PCMTD1: variants seen among roughly 807,000 people sequenced by gnomAD.
PCMTD1 encodes the protein protein-L-isoaspartate O-methyltransferase domain-containing protein 1.
PCMTD1 carries 12 observed loss-of-function variants against 37.6 expected under a neutral mutation model. That is an observed-to-expected ratio of 0.32 (90% confidence interval 0.20 to 0.52). The LOEUF is 0.52. Ranked by LOEUF, PCMTD1 falls within the 20% of genes least tolerant of loss-of-function variation. PCMTD1 has a pLI of 0.97. For synonymous variants in PCMTD1, 117 were observed against 135.8 expected, an observed-to-expected ratio of 0.86 and a Z score of 0.96; for missense variants, 235 against 421.3, an observed-to-expected ratio of 0.56 and a Z score of 3.87.
intron 5 of PCMTD1, among the ~76,000 whole-genome samples, chr8:51,823,252 C>A (rs545018656): frequency 1.6e-4 from 24 of 152,134 alleles, no homozygotes; most frequent in Non-Finnish European, 3.5e-4. Context: ...TCACTTGAGC[C>A]CATGATCTTG....
intron 3 of PCMTD1, among the ~76,000 whole-genome samples, chr8:51,844,533 G>A (rs10504130): frequency 0.12 from 17,881 of 152,082 alleles, 1,292 homozygotes; most frequent in East Asian, 0.17. Flanking sequence ...TCAGGTTTCT[G>A]TTCTTCAACC....
At chr8:51,857,985 C>T (rs770149246) in intron 2 of PCMTD1, among the ~76,000 whole-genome samples, 8 of 150,476 alleles carry the variant, frequency 5.3e-5, no homozygotes, top group Non-Finnish European at 7.4e-5. Context: ...GAGTGAGACC[C>T]TACCTAAAAA....
chr8:51,832,193 T>C (rs762949195), intron 4 of PCMTD1, among the ~76,000 whole-genome samples: 11 of 152,200 alleles, frequency 7.2e-5, no homozygotes, highest in African/African-American at 1.7e-4. Context: ...GTTTGTAAAA[T>C]AGTATAGAGT....
intron 5 of PCMTD1, 61 bp from the exon 6 acceptor site, chr8:51,820,779 T>C (rs2037836583): frequency 2.6e-6 from 3 of 1,143,586 alleles, no homozygotes; most frequent in Non-Finnish European, 3.4e-6. Flanking sequence ...ATCTATTGTT[T>C]ATTTTTTTCA....
At chr8:51,851,870 G>A (rs1436681951) in intron 2 of PCMTD1, among the ~76,000 whole-genome samples, 1 of 151,890 alleles carries the variant, frequency 6.6e-6, no homozygotes, top group Non-Finnish European at 1.5e-5. Context: ...GGCTGGTCTC[G>A]AACTCCTGAC....
At chr8:51,867,025 A>G (rs1400187428) in intron 1 of PCMTD1, among the ~76,000 whole-genome samples, 1 of 152,060 alleles carries the variant, frequency 6.6e-6, no homozygotes, top group Admixed American at 6.6e-5. Flanking sequence ...GAAAACAAAT[A>G]TGCCAATCAA....
intron 5 of PCMTD1, among the ~76,000 whole-genome samples, chr8:51,823,780 G>A (rs953789863): frequency 2.6e-5 from 4 of 152,054 alleles, no homozygotes; most frequent in African/African-American, 4.8e-5. Context: ...GATGAACATC[G>A]ATGCAAAAAT....
intron 5 of PCMTD1, among the ~76,000 whole-genome samples, chr8:51,829,220 T>TC (rs1346021495): frequency 6.6e-6 from 1 of 152,052 alleles, no homozygotes; most frequent in East Asian, 1.9e-4. Flanking sequence ...TGATGGTGGC[T>TC]CCCATTAGAG....
chr8:51,857,430 G>A (rs993779687), intron 2 of PCMTD1, among the ~76,000 whole-genome samples: 1 of 152,164 alleles, frequency 6.6e-6, no homozygotes, highest in African/African-American at 2.4e-5. Flanking sequence ...GAATCCCTAA[G>A]TAAAAAGGAT....
chr8:51,850,699 T>G (rs1170019640), intron 2 of PCMTD1, among the ~76,000 whole-genome samples: 1 of 151,486 alleles, frequency 6.6e-6, no homozygotes, highest in Non-Finnish European at 1.5e-5. Context: ...CAAGGGGGAG[T>G]AGGTGGATCA....
chr8:51,881,714 C>G (rs2129292359), intron 1 of PCMTD1, among the ~76,000 whole-genome samples: 1 of 152,234 alleles, frequency 6.6e-6, no homozygotes, highest in East Asian at 1.9e-4. Context: ...TTATTATACC[C>G]ATTTTACAAA....
chr8:51,826,888 T>G (rs911350785), intron 5 of PCMTD1: 1 of 868,992 alleles, frequency 1.2e-6, no homozygotes, highest in Admixed American at 6.2e-5. Flanking sequence ...GATTTTTAAA[T>G]GTAATAAAAT....
chr8:51,892,421 G>A (rs1370746750), intron 1 of PCMTD1, among the ~76,000 whole-genome samples: 2 of 152,132 alleles, frequency 1.3e-5, no homozygotes, highest in African/African-American at 4.8e-5. Flanking sequence ...TGTCAACTAT[G>A]GCTTCTAGCA....
intron 2 of PCMTD1, among the ~76,000 whole-genome samples, chr8:51,851,449 G>A (rs965002761): frequency 1.3e-5 from 2 of 152,118 alleles, no homozygotes; most frequent in Non-Finnish European, 2.9e-5. Context: ...GTCACGATTA[G>A]TTCATTTACA....
chr8:51,893,241 GAATT>G lies in PCMTD1; in HGVS notation c.-96+5685_-96+5688del, dbSNP rs143720272. 2.1e-3 allele frequency among the ~76,000 whole-genome samples: 327 copies of G among 152,104 alleles called. 2 individuals carry two copies. Among genetic ancestry groups the G allele is most frequent in the African/African-American group, 7.4e-3 (308 of 41,498 alleles). On this transcript the variant is annotated intron_variant, in intron 1 of 5. Coordinates refer to ENST00000522514, the MANE Select transcript of PCMTD1 (RefSeq NM_052937.4). ...ATTATATTTTTACTTTATAAAGCAAGAATTAATTACTTATTAGTTAGATAAACTA... is the reference window on the plus strand; with the variant it reads ...ATTATATTTTTACTTTATAAAGCAAGAATTACTTATTAGTTAGATAAACTA...
intron 5 of PCMTD1, among the ~76,000 whole-genome samples, chr8:51,825,170 C>T (rs1157093092): frequency 6.6e-6 from 1 of 152,120 alleles, no homozygotes; most frequent in Non-Finnish European, 1.5e-5. Context: ...AAAGCAATGG[C>T]AACAAAAGCC....
intron 2 of PCMTD1, chr8:51,850,030 T>C: frequency 1.4e-6 from 1 of 701,988 alleles, no homozygotes; most frequent in South Asian, 1.5e-5. Flanking sequence ...CATAAAGTTC[T>C]GAAGATGAAA....
At chr8:51,896,212 C>T (rs148302722) in intron 1 of PCMTD1, 1 of 152,266 alleles carries the variant, frequency 6.6e-6, no homozygotes, top group African/African-American at 2.4e-5. Context: ...TCCCAAAGTG[C>T]TAGGATTACA....
rs527749049 is a variant in PCMTD1, at chr8:51,898,230, A to C, written c.-96+700T>G. Among the ~76,000 whole-genome samples the C allele has an allele frequency of 2.7e-4, 41 of 152,320 alleles. 1 individual carries two copies. The highest frequency in any genetic ancestry group is 9.1e-4 in the African/African-American group (38 of 41,576). Reference sequence around the variant, plus strand: ...TCTAAAAAGAGGACACACGAAAACAAAATTATAGAAGTTCCAAAAAATCTT... The same window carrying C: ...TCTAAAAAGAGGACACACGAAAACACAATTATAGAAGTTCCAAAAAATCTT... On this transcript the variant is annotated intron_variant, in intron 1 of 5. Coordinates refer to ENST00000522514, the MANE Select transcript of PCMTD1 (RefSeq NM_052937.4).
Sources: gnomAD v4.1 joint callset for allele counts (sites outside exome capture counted in the v4.1 genomes callset) on GRCh38, gnomAD v4.1.1 for gene constraint, MANE v1.5 for transcripts, NCBI Gene and HGNC (gene_info 2026-07-23, HGNC 2026-07-21) for gene names.